STXBP2: variants seen among roughly 807,000 people sequenced by gnomAD.
STXBP2 encodes syntaxin binding protein 2.
A neutral mutation model predicts 72.2 loss-of-function variants in STXBP2; 47 were observed. The observed-to-expected ratio is 0.65, with a 90% confidence interval of 0.51 to 0.83. The LOEUF is 0.83. Ranked by LOEUF, STXBP2 falls within the 40% of genes least tolerant of loss-of-function variation. STXBP2 has a pLI of 0.00. For missense variants in STXBP2, 702 were observed against 807.6 expected (o/e 0.87, Z 1.58); for synonymous variants, 367 against 338.7 (o/e 1.08, Z -0.92).
At chr19:7,630,048 TGGGCTTCTGGGTTTGGGGGCTGTGAGA>T in the STXBP2 span, 7 of 551,888 alleles carry the variant, frequency 1.3e-5, no homozygotes, top group Non-Finnish European at 1.9e-5. Context: ...TTCTCGGATT[TGGGCTTCTGGGTTTGGGGGCTGTGAGA>T]GGGCTGGTCC....
At chr19:7,633,337 A>AAACT (rs2146197675), upstream of STXBP2, 1 of 1,155,620 alleles carries the variant, frequency 8.7e-7, no homozygotes, top group Non-Finnish European at 1.2e-6. Context: ...GGTGCCCTAC[A>AAACT]AACTAGTCTT....
intron 13 of STXBP2, 107 bp from the exon 14 acceptor site, chr19:7,644,507 A>T (rs1030641793): frequency 4.7e-6 from 7 of 1,497,778 alleles, no homozygotes; most frequent in Non-Finnish European, 5.4e-6. Flanking sequence ...ATGAGGTAGG[A>T]CCCAAATGTC....
intron 13 of STXBP2, chr19:7,644,412 G>C (rs1012193341): frequency 2.5e-5 from 16 of 652,054 alleles, no homozygotes; most frequent in Non-Finnish European, 3.7e-5. Context: ...TGGGGCACTG[G>C]AAAGGTGGGA....
intron 3 of STXBP2, 158 bp downstream of exon 3, chr19:7,639,258 A>C: frequency 3.7e-6 from 3 of 817,986 alleles, no homozygotes; most frequent in African/African-American, 1.7e-5. Flanking sequence ...TCATGTGACC[A>C]AATCCATTCT....
At chr19:7,643,847 A>ACG (rs2032006081) in intron 13 of STXBP2, among the ~76,000 whole-genome samples, 1 of 15,942 alleles carries the variant, frequency 6.3e-5, no homozygotes, top group Non-Finnish European at 1.2e-4. Context: ...TGGAGCCTTA[A>ACG]GAGAGGTGGG....
At chr19:7,646,737 T>G in intron 16 of STXBP2, 1 of 369,292 alleles carries the variant, frequency 2.7e-6, no homozygotes, top group Non-Finnish European at 5.0e-6. Flanking sequence ...CGGCCCCTCT[T>G]TCTGCGTGGG....
At chr19:7,640,877 G>A (rs1186302321) in intron 5 of STXBP2, 23 bp from the exon 6 acceptor site, 1 of 1,612,384 alleles carries the variant, frequency 6.2e-7, no homozygotes, top group Admixed American at 1.7e-5. Context: ...CTGGCCTGAT[G>A]CCCCACTCCT....
the STXBP2 span, chr19:7,630,013 G>A: frequency 1.0e-6 from 1 of 998,290 alleles, no homozygotes; most frequent in Non-Finnish European, 1.4e-6. Context: ...GGAAATCCAG[G>A]AGAGGGGACG....
chr19:7,642,184 G>A lies in STXBP2; in HGVS notation c.664-19G>A, dbSNP rs374566216. On this transcript the variant is annotated intron_variant, in intron 8 of 18. Coordinates refer to ENST00000221283, the MANE Select transcript of STXBP2 (RefSeq NM_006949.4). This position sits in a 1 kb window ranked among gnomAD's most constrained non-coding sequence, Gnocchi z 6.0. Reference sequence around the variant, plus strand: ...GGCTCAGGGTCAGTGCCTCATTCCTGCCCTAAACCCCACCCCAGGGCCCAG... The same window carrying A: ...GGCTCAGGGTCAGTGCCTCATTCCTACCCTAAACCCCACCCCAGGGCCCAG... 5 of 1,613,918 alleles carry A rather than the reference G, an allele frequency of 3.1e-6. No individual in the cohort carries two copies. Among genetic ancestry groups the A allele is most frequent in the Admixed American group, 1.7e-5 (1 of 60,002 alleles).
the STXBP2 span, chr19:7,629,842 G>T: frequency 1.3e-6 from 2 of 1,536,076 alleles, no homozygotes; most frequent in South Asian, 1.2e-5. Flanking sequence ...AGATGGGGGT[G>T]AAGCTGGAGA....
chr19:7,632,773 G>T, upstream of STXBP2: 1 of 1,567,816 alleles, frequency 6.4e-7, no homozygotes, highest in East Asian at 2.4e-5. The surrounding 1 kb of genome is among the most constrained non-coding windows in gnomAD (Gnocchi z 5.2). Context: ...CCCTCCATCC[G>T]GTCGCCCTGC....
chr19:7,639,914 G>C (rs1378996296), intron 4 of STXBP2, 107 bp downstream of exon 4: 5 of 1,258,524 alleles, frequency 4.0e-6, no homozygotes, highest in Admixed American at 2.0e-5. Flanking sequence ...GTATACGTGT[G>C]CATGTGTCCA....
chr19:7,641,717 G>T lies in STXBP2; in HGVS notation c.442G>T (p.Asp148Tyr). ...CCTCCTCGCCCAGGTGTTCTCCCTC[G>T]ATGCTCCCCACAGCACCTACAACCT... The part of the protein sequence containing the change: ...LPYEAQVFSL[D>Y]APHSTYNLYC... Residue 148 changes from aspartate to tyrosine, a missense_variant, in exon 7 of 19, where the codon GAT becomes TAT. Physicochemically the swap from Asp to Tyr is radical, Grantham distance 160 (BLOSUM62 -3). Coordinates refer to ENST00000221283, the MANE Select transcript of STXBP2 (RefSeq NM_006949.4). 1 of 1,554,102 alleles carries T rather than the reference G, an allele frequency of 6.4e-7. No individual in the cohort carries two copies. The highest frequency in any genetic ancestry group is 8.7e-7 in the Non-Finnish European group (1 of 1,149,146).
At position 7,647,110 on chromosome 19, in the gene STXBP2, C is replaced by T. The variant is rs1454741936; in HGVS notation, c.1453-52C>T. On this transcript the variant is annotated intron_variant, in intron 16 of 18. Transcript: ENST00000221283. ...AATACCCCGTGGGGGGCACTCCTGA[C>T]CCCGGACCCCATGCCTGGGGTTCCT... 9.4e-6 allele frequency: 15 copies of T among 1,596,324 alleles called. No homozygotes were observed. In the Admixed American group the frequency reaches 2.5e-4, roughly 27 times the overall value.
chr19:7,638,116 T>C (rs1210240934), intron 1 of STXBP2, among the ~76,000 whole-genome samples: 1 of 152,164 alleles, frequency 6.6e-6, no homozygotes, highest in African/African-American at 2.4e-5. Context: ...TAGAGGCAGA[T>C]AGAGCTGTAG....
chr19:7,631,870 G>T, the STXBP2 span: 3 of 1,358,440 alleles, frequency 2.2e-6, no homozygotes, highest in South Asian at 2.3e-5. Flanking sequence ...CACAGGTGGC[G>T]AACAATGGAG....
the STXBP2 span, chr19:7,631,027 G>A: frequency 2.4e-6 from 2 of 824,476 alleles, no homozygotes; most frequent in South Asian, 3.4e-5. Context: ...TGGCCAACAT[G>A]GCGAAACCCC....
chr19:7,632,416 C>G, upstream of STXBP2: 1 of 1,613,920 alleles, frequency 6.2e-7, no homozygotes, highest in South Asian at 1.1e-5. The surrounding 1 kb of genome is among the most constrained non-coding windows in gnomAD (Gnocchi z 5.2). Context: ...GGCTGGAAGC[C>G]GGGCAGGCTG....
At chr19:7,641,674 A>G in intron 6 of STXBP2, 31 bp from the exon 7 acceptor site, 2 of 1,550,222 alleles carry the variant, frequency 1.3e-6, no homozygotes, top group Non-Finnish European at 1.7e-6. Flanking sequence ...TGCAGCGGCA[A>G]CCCTGGTGCT....
Sources: gnomAD v4.1 joint callset for allele counts (sites outside exome capture counted in the v4.1 genomes callset) on GRCh38, gnomAD v4.1.1 for gene constraint, Gnocchi (gnomAD v3.1) non-coding constraint, MANE v1.5 for transcripts, NCBI Gene and HGNC (gene_info 2026-07-23, HGNC 2026-07-21) for gene names.